RGS7: variants seen among roughly 807,000 people sequenced by gnomAD.
The protein encoded by RGS7 is regulator of G-protein signaling 7.
In RGS7, 27 loss-of-function variants were observed where a neutral mutation model predicts 81.1. That is an observed-to-expected ratio of 0.33 (90% CI 0.25 to 0.46). RGS7 has a LOEUF of 0.46. RGS7 is among the 20% of genes least tolerant of loss of function. The pLI is 1.00. For missense variants in RGS7, 396 were observed against 607.4 expected (o/e 0.65, Z 3.66); for synonymous variants, 208 against 207.7 (o/e 1.00, Z -0.01).
At chr1:240,789,572 C>T (rs562419411) in intron 18 of RGS7, among the ~76,000 whole-genome samples, 30 of 152,238 alleles carry the variant, frequency 2.0e-4, no homozygotes, top group African/African-American at 6.3e-4. Flanking sequence ...CTGAAATGGC[C>T]GCTTTGGGGA....
In RGS7 at chr1:241,038,836, A is replaced by T. The variant is rs1572394936; in HGVS notation, c.176-55707T>A. Among the ~76,000 whole-genome samples, 4 of 152,284 alleles carry T rather than the reference A, an allele frequency of 2.6e-5. 1 individual carries two copies. The highest frequency in any genetic ancestry group is 2.6e-4 in the Admixed American group (4 of 15,288). ...TACAAAAATAAAAAATTAGTAGGGC[A>T]TGCATTTGTAGTCCTAGCTACCCAG... On this transcript the variant is annotated intron_variant, in intron 3 of 18. Transcript: ENST00000440928.
intron 2 of RGS7, among the ~76,000 whole-genome samples, chr1:241,324,899 T>C (rs533191756): frequency 6.6e-6 from 1 of 152,352 alleles, no homozygotes; most frequent in East Asian, 1.9e-4. Flanking sequence ...TCCTTGGTCA[T>C]AGAGTATTCT....
intron 4 of RGS7, among the ~76,000 whole-genome samples, chr1:240,947,371 T>C (rs1483689259): frequency 2.0e-5 from 3 of 152,228 alleles, no homozygotes; most frequent in Non-Finnish European, 2.9e-5. Context: ...CACGTGAATA[T>C]TGAATAAACA....
chr1:241,309,108 C>T (rs1242537545), intron 2 of RGS7, among the ~76,000 whole-genome samples: 6 of 151,924 alleles, frequency 3.9e-5, no homozygotes, highest in Non-Finnish European at 8.8e-5. Flanking sequence ...AGAATAAGTC[C>T]AGGCGCGGTG....
At chr1:240,826,199 A>G (rs531012721) in intron 10 of RGS7, among the ~76,000 whole-genome samples, 6 of 152,280 alleles carry the variant, frequency 3.9e-5, no homozygotes, top group African/African-American at 1.2e-4. Flanking sequence ...CCGCATCCGA[A>G]TTGGTTTTGT....
At chr1:241,277,598 G>A (rs376347871) in intron 2 of RGS7, among the ~76,000 whole-genome samples, 11 of 144,112 alleles carry the variant, frequency 7.6e-5, no homozygotes, top group African/African-American at 2.8e-4. Context: ...CAGCCTGGGC[G>A]ATAAAACGAG....
At chr1:241,077,410 G>C (rs1251624821) in intron 3 of RGS7, among the ~76,000 whole-genome samples, 1 of 152,180 alleles carries the variant, frequency 6.6e-6, no homozygotes, top group East Asian at 1.9e-4. Context: ...CCAAATCACA[G>C]TACTTGGAGA....
At chr1:241,001,276 T>C (rs924924121) in intron 3 of RGS7, among the ~76,000 whole-genome samples, 2 of 152,120 alleles carry the variant, frequency 1.3e-5, no homozygotes, top group African/African-American at 4.8e-5. Context: ...GTTTGGAAAA[T>C]CTTTTATTTG....
At chr1:241,264,567 CTT>C (rs1165140040) in intron 2 of RGS7, among the ~76,000 whole-genome samples, 2 of 152,166 alleles carry the variant, frequency 1.3e-5, no homozygotes, top group Non-Finnish European at 2.9e-5. Context: ...CAAGAACACT[CTT>C]TCTGCTCATA....
chr1:240,858,455 C>A (rs1484551496), intron 9 of RGS7, among the ~76,000 whole-genome samples: 1 of 152,108 alleles, frequency 6.6e-6, no homozygotes, highest in East Asian at 1.9e-4. Flanking sequence ...CAGTGGTATG[C>A]AATTGTTGTT....
At chr1:241,046,717 T>G (rs1488096537) in intron 3 of RGS7, among the ~76,000 whole-genome samples, 1 of 152,204 alleles carries the variant, frequency 6.6e-6, no homozygotes, top group Non-Finnish European at 1.5e-5. Context: ...GGTGCCCAGG[T>G]GCTATGCATA....
chr1:240,897,502 A>G (rs1339926291), intron 6 of RGS7, among the ~76,000 whole-genome samples: 1 of 152,104 alleles, frequency 6.6e-6, no homozygotes, highest in Non-Finnish European at 1.5e-5. Context: ...GTGCCGCTGA[A>G]TTTTGTCAAA....
intron 2 of RGS7, among the ~76,000 whole-genome samples, chr1:241,287,738 AACACACACAT>A (rs1182389023): frequency 7.9e-6 from 1 of 126,220 alleles, no homozygotes; most frequent in Non-Finnish European, 1.9e-5. Context: ...CACACATTCA[AACACACACAT>A]ACACACACAC....
intron 2 of RGS7, among the ~76,000 whole-genome samples, chr1:241,125,728 C>T (rs998813413): frequency 6.6e-6 from 1 of 152,222 alleles, no homozygotes; most frequent in Non-Finnish European, 1.5e-5. Flanking sequence ...TAAGTAAGGT[C>T]CTCTTCAGGG....
In RGS7 at chr1:240,858,545, C is replaced by T. The variant is rs147023569; in HGVS notation, c.609+10042G>A. ...TTTTTGGTGCAGTGTCTGTTCAGAT[C>T]CTTTGTCCATTTTTAATTGGCTGTT... On this transcript the variant is annotated intron_variant, in intron 9 of 18. Coordinates refer to ENST00000440928, the MANE Select transcript of RGS7 (RefSeq NM_001364886.1). Among the ~76,000 whole-genome samples, 68 of 152,132 alleles carry T rather than the reference C, an allele frequency of 4.5e-4. No individual in the cohort carries two copies. The East Asian group carries it at 0.012, about 26-fold the overall frequency.
chr1:240,784,216 C>CA (rs759493233), intron 18 of RGS7, among the ~76,000 whole-genome samples: 1 of 151,124 alleles, frequency 6.6e-6, no homozygotes, highest in East Asian at 2.0e-4. Context: ...CAAAACAAAA[C>CA]AAAAAAACAC....
intron 18 of RGS7, among the ~76,000 whole-genome samples, chr1:240,797,440 C>T (rs193249842): frequency 2.0e-5 from 3 of 152,294 alleles, no homozygotes; most frequent in Non-Finnish European, 2.9e-5. Flanking sequence ...CAACATCTGC[C>T]TCCTGAGTTC....
At chr1:240,864,627 C>T (rs1040873703) in intron 9 of RGS7, among the ~76,000 whole-genome samples, 2 of 152,082 alleles carry the variant, frequency 1.3e-5, no homozygotes, top group Non-Finnish European at 2.9e-5. Context: ...AATAAAAATG[C>T]AAGCATACAG....
At chr1:240,876,943 A>G (rs1665523608) in intron 6 of RGS7, among the ~76,000 whole-genome samples, 1 of 152,172 alleles carries the variant, frequency 6.6e-6, no homozygotes, top group Non-Finnish European at 1.5e-5. Context: ...CCTGGGCAAC[A>G]GTTGAATGAG....
Sources: gnomAD v4.1 joint callset for allele counts (sites outside exome capture counted in the v4.1 genomes callset) on GRCh38, gnomAD v4.1.1 for gene constraint, MANE v1.5 for transcripts, NCBI Gene and HGNC (gene_info 2026-07-23, HGNC 2026-07-21) for gene names.